Variants in GPC6 observed in about 807,000 individuals in gnomAD.
The protein encoded by GPC6 is glypican 6.
Under a neutral mutation model 55.2 loss-of-function variants are expected in GPC6, and 14 were observed. That is an observed-to-expected ratio of 0.25 (90% CI 0.17 to 0.40). GPC6 has a LOEUF of 0.40. Among genes scored for constraint, GPC6 ranks in the 10% least tolerant of loss-of-function variants. The pLI, the probability that GPC6 is intolerant of heterozygous loss-of-function variation, is 1.00. For missense variants in GPC6, 641 were observed against 708.5 expected, an observed-to-expected ratio of 0.90 and a Z score of 1.08; for synonymous variants, 278 against 259.6, an observed-to-expected ratio of 1.07 and a Z score of -0.68.
intron 4 of GPC6, among the ~76,000 whole-genome samples, chr13:94,271,406 A>ACACT (rs1892019946): frequency 6.6e-6 from 1 of 150,994 alleles, no homozygotes; most frequent in African/African-American, 2.4e-5. Flanking sequence ...ACACACACAC[A>ACACT]CACTCCATCA....
intron 5 of GPC6, among the ~76,000 whole-genome samples, chr13:94,288,945 AG>A: frequency 9.3e-5 from 1 of 10,704 alleles, no homozygotes; most frequent in Non-Finnish European, 2.2e-4. Flanking sequence ...ATAGATAGAT[AG>A]ATAGATATAT....
intron 1 of GPC6, among the ~76,000 whole-genome samples, chr13:93,314,522 G>A (rs1316407448): frequency 2.0e-5 from 3 of 152,118 alleles, no homozygotes; most frequent in Admixed American, 6.6e-5. Flanking sequence ...CTATAAAATG[G>A]CAGCACATAA....
At chr13:94,039,663 A>G (rs912560066) in intron 4 of GPC6, among the ~76,000 whole-genome samples, 8 of 151,896 alleles carry the variant, frequency 5.3e-5, no homozygotes, top group African/African-American at 1.4e-4. Flanking sequence ...GTAGTGTTCT[A>G]TGTTCCTGGG....
intron 2 of GPC6, among the ~76,000 whole-genome samples, chr13:93,754,879 A>T (rs775762307): frequency 4.6e-4 from 70 of 152,184 alleles, no homozygotes; most frequent in Non-Finnish European, 6.9e-4. Context: ...AATCTAGCAC[A>T]GTCCCATGAT....
At chr13:94,172,200 A>G (rs1028359772) in intron 4 of GPC6, among the ~76,000 whole-genome samples, 1 of 152,180 alleles carries the variant, frequency 6.6e-6, no homozygotes, top group African/African-American at 2.4e-5. Flanking sequence ...ACCCACCAGA[A>G]GACAAAAAAA....
intron 4 of GPC6, among the ~76,000 whole-genome samples, chr13:94,093,388 C>T (rs903965285): frequency 3.3e-5 from 5 of 151,962 alleles, no homozygotes; most frequent in Non-Finnish European, 7.4e-5. Context: ...GTATTCTTGG[C>T]ATGGTTTTTG....
intron 1 of GPC6, among the ~76,000 whole-genome samples, chr13:93,342,105 G>T (rs922648318): frequency 6.6e-6 from 1 of 151,818 alleles, no homozygotes; most frequent in African/African-American, 2.4e-5. Context: ...TCCTGACCTC[G>T]TGAATCACCC....
chr13:93,991,136 G>T (rs1881286497), intron 3 of GPC6, among the ~76,000 whole-genome samples: 1 of 152,012 alleles, frequency 6.6e-6, no homozygotes, highest in African/African-American at 2.4e-5. Context: ...CATCTGACTG[G>T]CTAAGCATCC....
At chr13:93,302,159 C>CT (rs1017574841) in intron 1 of GPC6, among the ~76,000 whole-genome samples, 8 of 152,124 alleles carry the variant, frequency 5.3e-5, no homozygotes, top group South Asian at 2.1e-4. Context: ...TGTGAGGATA[C>CT]TTTTTTTCTG....
intron 4 of GPC6, among the ~76,000 whole-genome samples, chr13:94,132,742 G>T (rs1272055244): frequency 6.6e-6 from 1 of 152,022 alleles, no homozygotes; most frequent in Non-Finnish European, 1.5e-5. Flanking sequence ...CTCTCTCCTA[G>T]GTATTGATTA....
chr13:93,375,398 C>G lies in GPC6; in HGVS notation c.160+147782C>G, dbSNP rs146087013. On this transcript the variant is annotated intron_variant, in intron 1 of 8. Coordinates refer to ENST00000377047, the MANE Select transcript of GPC6 (RefSeq NM_005708.5). ...GCAGAAGCAGAATTTCTTTTAACCTCAGCTTTACTTCACTATCAGACGGCG... is the reference window on the plus strand; with the variant it reads ...GCAGAAGCAGAATTTCTTTTAACCTGAGCTTTACTTCACTATCAGACGGCG... Among the ~76,000 whole-genome samples, 666 of 152,280 alleles carry G rather than the reference C, an allele frequency of 4.4e-3. 5 individuals carry two copies. Among genetic ancestry groups the G allele is most frequent in the African/African-American group, 0.015 (634 of 41,564 alleles).
intron 3 of GPC6, among the ~76,000 whole-genome samples, chr13:93,922,648 G>C (rs2140346682): frequency 6.6e-6 from 1 of 152,054 alleles, no homozygotes; most frequent in East Asian, 1.9e-4. Context: ...ATGTCTCCTG[G>C]GTAGCAAAAT....
chr13:94,300,721 T>A (rs1875604933), intron 5 of GPC6, among the ~76,000 whole-genome samples: 1 of 152,196 alleles, frequency 6.6e-6, no homozygotes, highest in Non-Finnish European at 1.5e-5. Context: ...TCAACATCCC[T>A]TGGAGAGAAG....
intron 4 of GPC6, among the ~76,000 whole-genome samples, chr13:94,034,826 T>G (rs1301006136): frequency 1.3e-5 from 2 of 151,898 alleles, no homozygotes; most frequent in Non-Finnish European, 2.9e-5. Flanking sequence ...AGCAATGGTC[T>G]GAAATGAGGC....
intron 6 of GPC6, among the ~76,000 whole-genome samples, chr13:94,325,695 T>G (rs1877079785): frequency 6.6e-6 from 1 of 152,216 alleles, no homozygotes. Flanking sequence ...TATTACATAT[T>G]TTTGTCTTCT....
At chr13:93,399,302 C>T (rs1012128949) in intron 1 of GPC6, among the ~76,000 whole-genome samples, 3 of 152,198 alleles carry the variant, frequency 2.0e-5, no homozygotes, top group African/African-American at 4.8e-5. Flanking sequence ...TCTTTGTGTT[C>T]ACTTGTTTTA....
chr13:93,764,419 AC>A (rs1166841164), intron 2 of GPC6, among the ~76,000 whole-genome samples: 2 of 152,164 alleles, frequency 1.3e-5, no homozygotes, highest in African/African-American at 4.8e-5. Context: ...ATAACTCCAA[AC>A]ATTTTATTTT....
chr13:93,783,180 A>G (rs1352369400), intron 2 of GPC6, among the ~76,000 whole-genome samples: 1 of 152,184 alleles, frequency 6.6e-6, no homozygotes, highest in Non-Finnish European at 1.5e-5. Context: ...ATAGTATTCC[A>G]TGGTGTATAC....
chr13:93,638,596 ACT>A (rs1170017248), intron 2 of GPC6, among the ~76,000 whole-genome samples: 1 of 152,084 alleles, frequency 6.6e-6, no homozygotes, highest in Non-Finnish European at 1.5e-5. Flanking sequence ...TAGTTTAATA[ACT>A]CTAATGAGAT....
Sources: gnomAD v4.1 joint callset for allele counts (sites outside exome capture counted in the v4.1 genomes callset) on GRCh38, gnomAD v4.1.1 for gene constraint, MANE v1.5 for transcripts, NCBI Gene and HGNC (gene_info 2026-07-23, HGNC 2026-07-21) for gene names.